Variants in NCOA2 observed in about 807,000 individuals in gnomAD.
The protein encoded by NCOA2 is class E basic helix-loop-helix protein 75.
A neutral mutation model predicts 145.1 loss-of-function variants in NCOA2; 21 were observed. The ratio of observed to expected loss-of-function variants is 0.14; its 90% CI spans 0.10 to 0.21. The LOEUF (loss-of-function observed/expected upper bound fraction) is 0.21. NCOA2 is among the 10% of genes least tolerant of loss of function. NCOA2 has a pLI of 1.00. For missense variants in NCOA2, 1,472 were observed against 1,837.6 expected, an observed-to-expected ratio of 0.80 and a Z score of 3.64; for synonymous variants, 619 against 637.5, an observed-to-expected ratio of 0.97 and a Z score of 0.44.
At chr8:70,381,107 G>C (rs1286531602) in intron 1 of NCOA2, among the ~76,000 whole-genome samples, 1 of 151,566 alleles carries the variant, frequency 6.6e-6, no homozygotes, top group Non-Finnish European at 1.5e-5. Flanking sequence ...ATGAAAAGAT[G>C]TATCTGGGAC....
At chr8:70,290,699 A>C (rs982271890) in intron 2 of NCOA2, among the ~76,000 whole-genome samples, 1 of 152,204 alleles carries the variant, frequency 6.6e-6, no homozygotes, top group African/African-American at 2.4e-5. Context: ...AATCACAGTA[A>C]AATAAAAAAA....
At chr8:70,256,000 G>C (rs1823606033) in intron 2 of NCOA2, among the ~76,000 whole-genome samples, 1 of 152,212 alleles carries the variant, frequency 6.6e-6, no homozygotes, top group Non-Finnish European at 1.5e-5. Flanking sequence ...TAAAGATTCA[G>C]CCAAGTCCTC....
At chr8:70,352,926 G>C (rs1000350035) in intron 1 of NCOA2, among the ~76,000 whole-genome samples, 1 of 152,054 alleles carries the variant, frequency 6.6e-6, no homozygotes, top group Non-Finnish European at 1.5e-5. Flanking sequence ...ACACCCATAA[G>C]AGCTTATTTT....
At chr8:70,170,560 A>C (rs1193336978) in intron 5 of NCOA2, among the ~76,000 whole-genome samples, 181 bp from the exon 6 acceptor site, 1 of 152,198 alleles carries the variant, frequency 6.6e-6, no homozygotes, top group East Asian at 1.9e-4. Flanking sequence ...TGAAATAGAA[A>C]TTATTCCATC....
Position 70,260,893 on chromosome 8 carries a change from C to T in NCOA2, c.-20+35851G>A, listed in dbSNP as rs558942403. On this transcript the variant is annotated intron_variant, in intron 2 of 22. Transcript: ENST00000452400. Reference sequence around the variant, plus strand: ...CCATCAGAGAAATGCAAATCAAAACCACAATGAGATACCATCTCACACCAG... The same window carrying T: ...CCATCAGAGAAATGCAAATCAAAACTACAATGAGATACCATCTCACACCAG... Among the ~76,000 whole-genome samples, 7 of 152,200 alleles carry T rather than the reference C, an allele frequency of 4.6e-5. No individual in the cohort carries two copies. The East Asian group carries it at 1.4e-3, about 29-fold the overall frequency.
intron 14 of NCOA2, 50 bp downstream of exon 14, chr8:70,141,134 T>A (rs977792951): frequency 2.0e-6 from 3 of 1,525,840 alleles, no homozygotes; most frequent in Non-Finnish European, 2.7e-6. Context: ...ACGCTCTCTT[T>A]TCTAAGAGAG....
intron 14 of NCOA2, among the ~76,000 whole-genome samples, chr8:70,140,429 T>A (rs1181082733): frequency 6.6e-6 from 1 of 152,008 alleles, no homozygotes; most frequent in Non-Finnish European, 1.5e-5. Context: ...ATTCTAGTAA[T>A]CCTCACATTC....
intron 4 of NCOA2, among the ~76,000 whole-genome samples, chr8:70,210,453 T>G (rs1818897700): frequency 6.6e-6 from 1 of 152,184 alleles, no homozygotes. Flanking sequence ...ACTATTAGCA[T>G]CAAACTCTTG....
intron 1 of NCOA2, among the ~76,000 whole-genome samples, chr8:70,389,665 T>C (rs1028378767): frequency 6.6e-6 from 1 of 151,790 alleles, no homozygotes; most frequent in Non-Finnish European, 1.5e-5. Flanking sequence ...TGTAAGACAT[T>C]TCAGGAAAAC....
At chr8:70,245,129 C>A (rs1247902814) in intron 2 of NCOA2, 1 of 152,076 alleles carries the variant, frequency 6.6e-6, no homozygotes, top group Non-Finnish European at 1.5e-5. Flanking sequence ...CCACAATTAG[C>A]AATAAATTTA....
intron 4 of NCOA2, among the ~76,000 whole-genome samples, chr8:70,192,329 A>G (rs1217840677): frequency 1.4e-5 from 2 of 143,212 alleles, no homozygotes; most frequent in Non-Finnish European, 1.5e-5. Flanking sequence ...AGAGGAGGGG[A>G]AAAAAAAGAA....
chr8:70,304,456 C>T (rs545818370), intron 1 of NCOA2, among the ~76,000 whole-genome samples: 5 of 151,460 alleles, frequency 3.3e-5, no homozygotes, highest in Admixed American at 2.0e-4. Flanking sequence ...CTAAGTGATG[C>T]GTGACTATAT....
chr8:70,204,599 G>C (rs938873453), intron 4 of NCOA2, among the ~76,000 whole-genome samples: 22 of 152,158 alleles, frequency 1.4e-4, no homozygotes, highest in Non-Finnish European at 4.4e-5. Flanking sequence ...ATTTTCTCCT[G>C]ATATAAAACC....
intron 2 of NCOA2, among the ~76,000 whole-genome samples, chr8:70,235,804 A>AAT (rs1821549563): frequency 6.6e-6 from 1 of 152,206 alleles, no homozygotes; most frequent in Admixed American, 6.5e-5. Flanking sequence ...TGATCGCACC[A>AAT]CTATGCTCCA....
intron 4 of NCOA2, among the ~76,000 whole-genome samples, chr8:70,204,729 C>T (rs1293467253): frequency 1.3e-5 from 2 of 152,142 alleles, no homozygotes; most frequent in African/African-American, 4.8e-5. Flanking sequence ...CGGTGGCTCA[C>T]GCCTGTAATC....
chr8:70,192,888 G>A (rs1222486706), intron 4 of NCOA2, among the ~76,000 whole-genome samples: 1 of 151,908 alleles, frequency 6.6e-6, no homozygotes. Context: ...CCAACATGGT[G>A]AAAACTCATC....
the NCOA2 span, among the ~76,000 whole-genome samples, chr8:70,447,805 C>A: frequency 6.6e-6 from 1 of 151,656 alleles, no homozygotes; most frequent in African/African-American, 2.4e-5. Context: ...CCACCTCAGT[C>A]TCCTGAGTCG....
intron 4 of NCOA2, among the ~76,000 whole-genome samples, chr8:70,212,066 C>T (rs865890982): frequency 3.5e-5 from 5 of 144,374 alleles, no homozygotes; most frequent in African/African-American, 1.3e-4. Context: ...CTTTGTGGCG[C>T]ATATATATAT....
At chr8:70,371,147 G>A (rs1253094229) in intron 1 of NCOA2, among the ~76,000 whole-genome samples, 22 of 151,996 alleles carry the variant, frequency 1.4e-4, no homozygotes, top group Admixed American at 1.4e-3. Context: ...AAATCAGCCG[G>A]GCGTGGTGGC....
Sources: gnomAD v4.1 joint callset for allele counts (sites outside exome capture counted in the v4.1 genomes callset) on GRCh38, gnomAD v4.1.1 for gene constraint, MANE v1.5 for transcripts, NCBI Gene and HGNC (gene_info 2026-07-23, HGNC 2026-07-21) for gene names.